Variants in ZFPM2 observed in about 807,000 individuals in gnomAD.
ZFPM2 encodes the protein zinc finger protein ZFPM2.
Under a neutral mutation model 98.6 loss-of-function variants are expected in ZFPM2, and 20 were observed. That is an observed-to-expected ratio of 0.20 (90% CI 0.14 to 0.29). The LOEUF (loss-of-function observed/expected upper bound fraction) is 0.29, where lower values mean the gene tolerates loss of function less well. Ranked by LOEUF, ZFPM2 falls within the 10% of genes least tolerant of loss-of-function variation. ZFPM2 has a pLI of 1.00. For synonymous variants in ZFPM2, 518 were observed against 502.7 expected, an observed-to-expected ratio of 1.03 and a Z score of -0.41; for missense variants, 1,310 against 1,388.6, an observed-to-expected ratio of 0.94 and a Z score of 0.90.
chr8:105,498,721 T>A, intron 3 of ZFPM2, among the ~76,000 whole-genome samples: 1 of 152,194 alleles, frequency 6.6e-6, no homozygotes, highest in East Asian at 1.9e-4. Context: ...TCAGCATGTT[T>A]GGAAGCCTAT....
In ZFPM2 at chr8:105,465,018, G is replaced by A. The variant is rs866661276; in HGVS notation, c.301+20637G>A. Reference sequence around the variant, plus strand: ...AAAAGATATTCACTCAGCCTGTATCGTAGTTGTCAGTGGGAAATTCTATAA... The same window carrying A: ...AAAAGATATTCACTCAGCCTGTATCATAGTTGTCAGTGGGAAATTCTATAA... On this transcript the variant is annotated intron_variant, in intron 3 of 7. Coordinates refer to ENST00000407775, the MANE Select transcript of ZFPM2 (RefSeq NM_012082.4). 3.3e-5 allele frequency among the ~76,000 whole-genome samples: 5 copies of A among 150,576 alleles called. No individual in the cohort carries two copies. The South Asian group carries it at 6.3e-4, about 19-fold the overall frequency.
chr8:105,453,252 A>C (rs1158758954), intron 3 of ZFPM2, among the ~76,000 whole-genome samples: 1 of 152,206 alleles, frequency 6.6e-6, no homozygotes, highest in Non-Finnish European at 1.5e-5. Flanking sequence ...AGTGGTCTCA[A>C]CTTCAGAGAG....
intron 1 of ZFPM2, among the ~76,000 whole-genome samples, chr8:105,375,020 G>T (rs183682752): frequency 3.3e-5 from 5 of 152,194 alleles, no homozygotes; most frequent in African/African-American, 1.2e-4. Flanking sequence ...TAAGTACTCT[G>T]ATAATTAAGT....
At chr8:105,626,645 T>C (rs901439795) in intron 4 of ZFPM2, among the ~76,000 whole-genome samples, 2 of 152,086 alleles carry the variant, frequency 1.3e-5, no homozygotes, top group African/African-American at 2.4e-5. Context: ...GTTCTCACAA[T>C]ATAAATGTAA....
chr8:105,449,508 A>C (rs538901482), intron 3 of ZFPM2, among the ~76,000 whole-genome samples: 1 of 152,220 alleles, frequency 6.6e-6, no homozygotes, highest in African/African-American at 2.4e-5. Context: ...TGATTTGATG[A>C]ATTAATAGAA....
chr8:105,784,224 C>T (rs1470551019), intron 5 of ZFPM2, among the ~76,000 whole-genome samples: 1 of 152,066 alleles, frequency 6.6e-6, no homozygotes, highest in Non-Finnish European at 1.5e-5. Context: ...TAAATTAAAG[C>T]GGGCCATATT....
chr8:105,486,228 C>T (rs1813228215), intron 3 of ZFPM2, among the ~76,000 whole-genome samples: 1 of 151,994 alleles, frequency 6.6e-6, no homozygotes, highest in Non-Finnish European at 1.5e-5. Context: ...ATGTCTAGTC[C>T]TAATATTTTA....
At chr8:105,537,253 G>A (rs16873346) in intron 3 of ZFPM2, among the ~76,000 whole-genome samples, 1 of 151,480 alleles carries the variant, frequency 6.6e-6, no homozygotes, top group South Asian at 2.1e-4. Context: ...CTTTCTTTAG[G>A]CCTAGATTAT....
At chr8:105,799,978 G>T (rs549327063) in intron 7 of ZFPM2, among the ~76,000 whole-genome samples, 1 of 152,166 alleles carries the variant, frequency 6.6e-6, no homozygotes, top group East Asian at 1.9e-4. Flanking sequence ...CCTTACAAAT[G>T]AGCTATCTTC....
At chr8:105,679,792 G>A (rs1232448291) in intron 5 of ZFPM2, among the ~76,000 whole-genome samples, 1 of 123,428 alleles carries the variant, frequency 8.1e-6, no homozygotes, top group African/African-American at 3.2e-5. Flanking sequence ...GCAAGACTCT[G>A]TCTTAAAAAA....
At chr8:105,531,919 G>C (rs766969298) in intron 3 of ZFPM2, among the ~76,000 whole-genome samples, 3 of 151,986 alleles carry the variant, frequency 2.0e-5, no homozygotes, top group Non-Finnish European at 4.4e-5. Flanking sequence ...TTCTTTTTCT[G>C]AGACAGGGTC....
chr8:105,548,392 T>A (rs1429284193), intron 3 of ZFPM2, among the ~76,000 whole-genome samples: 1 of 152,204 alleles, frequency 6.6e-6, no homozygotes, highest in East Asian at 1.9e-4. Flanking sequence ...TTAGACTATT[T>A]TGTCCAAAAT....
chr8:105,478,819 A>C (rs1456160103), intron 3 of ZFPM2, among the ~76,000 whole-genome samples: 1 of 152,238 alleles, frequency 6.6e-6, no homozygotes, highest in Non-Finnish European at 1.5e-5. Flanking sequence ...GGCTTCTTCA[A>C]ACTCCTAATC....
chr8:105,339,345 A>G (rs1351025286), intron 1 of ZFPM2, among the ~76,000 whole-genome samples: 2 of 151,826 alleles, frequency 1.3e-5, no homozygotes, highest in Non-Finnish European at 2.9e-5. Flanking sequence ...AAATCTGCTT[A>G]TGGTACCTGA....
chr8:105,699,568 C>G (rs1325968061), intron 5 of ZFPM2, among the ~76,000 whole-genome samples: 2 of 151,874 alleles, frequency 1.3e-5, no homozygotes, highest in African/African-American at 4.8e-5. Flanking sequence ...AAATGTTTTT[C>G]TTTTTATAAA....
rs1483165104 is a variant in ZFPM2 at position 105,500,724 on chromosome 8, AT to A, written c.301+56350del. ...TAAACATAAACCTATGTTGTTTTAA[AT>A]TTTTTTGTCTTAAAAAAACCCATAG... On this transcript the variant is annotated intron_variant, in intron 3 of 7. Coordinates refer to ENST00000407775, the MANE Select transcript of ZFPM2 (RefSeq NM_012082.4). 2.6e-5 allele frequency among the ~76,000 whole-genome samples: 4 copies of A among 152,256 alleles called. No individual in the cohort carries two copies. The East Asian group carries it at 5.8e-4, about 22-fold the overall frequency.
intron 3 of ZFPM2, among the ~76,000 whole-genome samples, chr8:105,473,418 G>A (rs559112525): frequency 1.3e-5 from 2 of 152,206 alleles, no homozygotes; most frequent in Admixed American, 6.5e-5. Flanking sequence ...CATTTTTCAT[G>A]TTTATACCAT....
chr8:105,519,849 GATTTTGTAT>G (rs1814013111), intron 3 of ZFPM2, among the ~76,000 whole-genome samples: 1 of 151,632 alleles, frequency 6.6e-6, no homozygotes. Context: ...GTTTAGATGT[GATTTTGTAT>G]ATTTTGATTA....
At chr8:105,391,424 T>A (rs896335904) in intron 1 of ZFPM2, among the ~76,000 whole-genome samples, 3 of 152,184 alleles carry the variant, frequency 2.0e-5, no homozygotes, top group African/African-American at 7.2e-5. Context: ...GGTAATTTTT[T>A]AAAATAAGAC....
Sources: gnomAD v4.1 joint callset for allele counts (sites outside exome capture counted in the v4.1 genomes callset) on GRCh38, gnomAD v4.1.1 for gene constraint, MANE v1.5 for transcripts, NCBI Gene and HGNC (gene_info 2026-07-23, HGNC 2026-07-21) for gene names.